Variants in TANC2 observed in about 807,000 individuals in gnomAD.
The protein encoded by TANC2 is protein TANC2.
A neutral mutation model predicts 210.5 loss-of-function variants in TANC2; 26 were observed. The ratio of observed to expected loss-of-function variants is 0.12; its 90% CI spans 0.09 to 0.17. TANC2 has a LOEUF of 0.17. TANC2 is among the 10% of genes least tolerant of loss of function. The pLI is 1.00. For synonymous variants in TANC2, 931 were observed against 967.1 expected, an observed-to-expected ratio of 0.96 and a Z score of 0.69; for missense variants, 2,129 against 2,608.9, an observed-to-expected ratio of 0.82 and a Z score of 4.01.
rs186109454 is a variant in TANC2 at position 63,243,902 on chromosome 17, G to A, written c.1033+5825G>A. ...CATCCCTAAAGAACTGAGTGTCCTG[G>A]GAATTTAACCATGTCAATTAAGTCT... is the stretch of plus-strand genomic sequence containing the variant. On this transcript the variant is annotated intron_variant, in intron 8 of 27. Transcript: ENST00000689528. 3.3e-3 allele frequency among the ~76,000 whole-genome samples: 509 copies of A among 152,186 alleles called. 3 individuals are homozygous for A. Among genetic ancestry groups the A allele is most frequent in the Non-Finnish European group, 5.4e-3 (365 of 68,002 alleles).
At chr17:63,078,998 C>T (rs76012689) in intron 3 of TANC2, among the ~76,000 whole-genome samples, 6 of 152,128 alleles carry the variant, frequency 3.9e-5, no homozygotes, top group Non-Finnish European at 8.8e-5. Flanking sequence ...CAGGCTATAA[C>T]TGTGGATTTG....
intron 2 of TANC2, among the ~76,000 whole-genome samples, chr17:63,043,363 G>A (rs574829416): frequency 1.1e-4 from 16 of 151,926 alleles, no homozygotes; most frequent in Non-Finnish European, 1.9e-4. Flanking sequence ...ACACATATAC[G>A]CATATAAACC....
At chr17:63,048,011 T>C (rs897903910) in intron 2 of TANC2, among the ~76,000 whole-genome samples, 4 of 152,194 alleles carry the variant, frequency 2.6e-5, no homozygotes, top group African/African-American at 9.7e-5. Context: ...GCAAGACTTT[T>C]TATCAGGATT....
At position 63,203,476 on chromosome 17, in the gene TANC2, A is replaced by G. The variant is rs187833168; in HGVS notation, c.769+2519A>G. On this transcript the variant is annotated intron_variant, in intron 7 of 27. Coordinates refer to ENST00000689528, the Ensembl canonical transcript of TANC2. ...ATTCTGTATTTTGAAACACATCTTC[A>G]GAGTTTCATATATGCGATTATAGAC... Among the ~76,000 whole-genome samples the G allele has an allele frequency of 3.3e-5, 5 of 152,272 alleles. No individual in the cohort carries two copies. The East Asian group carries it at 7.7e-4, about 23-fold the overall frequency.
chr17:63,099,639 A>C (rs1377461084), intron 4 of TANC2, among the ~76,000 whole-genome samples: 3 of 152,156 alleles, frequency 2.0e-5, no homozygotes, highest in African/African-American at 7.2e-5. Flanking sequence ...GCCAGAATAC[A>C]CTGTTGTTCT....
chr17:63,201,026 A>C, intron 7 of TANC2, 69 bp downstream of exon 7: 1 of 1,402,460 alleles, frequency 7.1e-7, no homozygotes, highest in Non-Finnish European at 9.6e-7. Context: ...CACAAGCTTA[A>C]GGTTTTTAAA....
chr17:62,969,521 A>T (rs528491697), intron 1 of TANC2, among the ~76,000 whole-genome samples: 1 of 152,230 alleles, frequency 6.6e-6, no homozygotes, highest in Admixed American at 6.5e-5. Flanking sequence ...CAAAAGATAC[A>T]GTTATTTGCA....
intron 2 of TANC2, among the ~76,000 whole-genome samples, chr17:63,015,798 G>C (rs2034081683): frequency 6.6e-6 from 1 of 151,530 alleles, no homozygotes; most frequent in African/African-American, 2.4e-5. Context: ...AAGAAAATAT[G>C]TTTATATTTT....
chr17:63,144,393 A>G (rs1017055116), intron 4 of TANC2, among the ~76,000 whole-genome samples: 2 of 152,176 alleles, frequency 1.3e-5, no homozygotes, highest in Non-Finnish European at 2.9e-5. Flanking sequence ...GCCACACTGC[A>G]TACATGTTAT....
chr17:63,255,371 C>T (rs1040999959), intron 8 of TANC2, among the ~76,000 whole-genome samples: 1 of 152,096 alleles, frequency 6.6e-6, no homozygotes, highest in Non-Finnish European at 1.5e-5. Flanking sequence ...GGATTACAGG[C>T]GTGAGCCACC....
chr17:63,380,804 A>G (rs1339488788), intron 15 of TANC2, among the ~76,000 whole-genome samples: 1 of 152,244 alleles, frequency 6.6e-6, no homozygotes, highest in African/African-American at 2.4e-5. Context: ...GCACAGAGCC[A>G]GAGCAGCCTG....
intron 8 of TANC2, among the ~76,000 whole-genome samples, chr17:63,266,499 GTTTCC>G (rs2043532505): frequency 1.3e-5 from 2 of 152,028 alleles, no homozygotes; most frequent in Non-Finnish European, 2.9e-5. Flanking sequence ...CATAATTCTT[GTTTCC>G]TTATGCTGAG....
chr17:63,284,586 G>T (rs2044164050), intron 9 of TANC2, among the ~76,000 whole-genome samples: 1 of 151,766 alleles, frequency 6.6e-6, no homozygotes, highest in African/African-American at 2.4e-5. Flanking sequence ...GATTCCAAGT[G>T]TAATTTCACT....
intron 9 of TANC2, among the ~76,000 whole-genome samples, chr17:63,270,362 T>C (rs1343695464): frequency 6.6e-6 from 1 of 152,180 alleles, no homozygotes; most frequent in East Asian, 1.9e-4. Context: ...CTTTATAATA[T>C]GTGATTATTA....
At chr17:63,255,019 A>G (rs940775006) in intron 8 of TANC2, among the ~76,000 whole-genome samples, 4 of 151,098 alleles carry the variant, frequency 2.6e-5, no homozygotes, top group South Asian at 4.2e-4. Flanking sequence ...CTCCTCCTCT[A>G]CTTTTTTGAA....
intron 5 of TANC2, among the ~76,000 whole-genome samples, chr17:63,177,672 G>T (rs1020717904): frequency 2.6e-5 from 4 of 152,182 alleles, no homozygotes; most frequent in African/African-American, 7.2e-5. Flanking sequence ...CGTGCTGTAG[G>T]TTGGCTGGAT....
At chr17:62,992,747 T>C (rs929947759) in intron 1 of TANC2, among the ~76,000 whole-genome samples, 1 of 152,220 alleles carries the variant, frequency 6.6e-6, no homozygotes, top group Admixed American at 6.5e-5. Flanking sequence ...CTGTAACATA[T>C]GACATATGTA....
Position 63,004,941 on chromosome 17 carries a change from C to T in TANC2, c.-23-4596C>T, listed in dbSNP as rs182405783. ...CTTTATCTCGTTTAGTATCTATCCC[C>T]TTCAATCCTTCTCGTGGGCATGGTG... On this transcript the variant is annotated intron_variant, in intron 1 of 27. Coordinates refer to ENST00000689528, the Ensembl canonical transcript of TANC2. 388 of 221,656 alleles carry T rather than the reference C, an allele frequency of 1.8e-3. 1 individual carries two copies. The highest frequency in any genetic ancestry group is 2.3e-3 in the Non-Finnish European group (254 of 111,630). The allele number at this position is 221,656 out of a possible 1,614,324, so 13.7% of individuals were successfully genotyped here.
At chr17:63,331,856 CTGTGTGTGTG>C (rs765243268) in intron 11 of TANC2, 69 of 153,318 alleles carry the variant, frequency 4.5e-4, no homozygotes, top group Admixed American at 1.3e-3. Context: ...GTGTGTGTGT[CTGTGTGTGTG>C]TGTGTGTGTG....
Sources: allele counts gnomAD v4.1 joint callset (sites outside exome capture counted in the v4.1 genomes callset), GRCh38; gene constraint gnomAD v4.1.1; transcripts MANE v1.5; gene names NCBI Gene and HGNC (gene_info 2026-07-23, HGNC 2026-07-21).